Variants in ITIH2 observed in about 807,000 individuals in gnomAD.
ITIH2 encodes the protein inter-alpha-trypsin inhibitor heavy chain 2.
ITIH2 carries 103 observed loss-of-function variants against 104.4 expected under a neutral mutation model. The ratio of observed to expected loss-of-function variants is 0.99; its 90% CI spans 0.84 to 1.16. ITIH2 has a LOEUF of 1.16. ITIH2 is among the 50% of genes most tolerant of loss of function. ITIH2 has a pLI of 0.00. For synonymous variants in ITIH2, 436 were observed against 435.4 expected, an observed-to-expected ratio of 1.00 and a Z score of -0.02; for missense variants, 1,108 against 1,162.4, an observed-to-expected ratio of 0.95 and a Z score of 0.68.
At chr10:7,746,424 C>T (rs1239911609) in intron 19 of ITIH2, among the ~76,000 whole-genome samples, 169 bp from the exon 20 acceptor site, 1 of 152,040 alleles carries the variant, frequency 6.6e-6, no homozygotes, top group Non-Finnish European at 1.5e-5. Flanking sequence ...CACAAATGTG[C>T]TCCCAGGAAG....
At position 7,737,683 on chromosome 10, in the gene ITIH2, ATAT is replaced by A. The variant is rs1179022206; in HGVS notation, c.1958-934_1958-932del. 3.5e-3 allele frequency among the ~76,000 whole-genome samples: 86 copies of A among 24,848 alleles called. 4 individuals are homozygous for A. The highest frequency in any genetic ancestry group is 0.014 in the African/African-American group (73 of 5,288). 16.3% of individuals were successfully genotyped at this position (24,848 alleles called of 152,430 possible). A position where few individuals can be genotyped will look rare whatever the true frequency, so the allele number is the denominator to read the frequency against. ...TTCTATATTATATTCTATATTTTCTATATTATATTCTATATAATATTCTATATT... is the reference window on the plus strand; with the variant it reads ...TTCTATATTATATTCTATATTTTCTATATATTCTATATAATATTCTATATT... On this transcript the variant is annotated intron_variant, in intron 15 of 20. Coordinates refer to ENST00000358415, the MANE Select transcript of ITIH2 (RefSeq NM_002216.3).
intron 10 of ITIH2, 79 bp from the exon 11 acceptor site, chr10:7,727,624 T>C: frequency 6.6e-7 from 1 of 1,512,522 alleles, no homozygotes; most frequent in Non-Finnish European, 9.1e-7. Context: ...TCAGCCGACA[T>C]ATGAGTCTGA....
At chr10:7,744,645 C>A in intron 18 of ITIH2, 146 bp from the exon 19 acceptor site, 1 of 681,446 alleles carries the variant, frequency 1.5e-6, no homozygotes, top group Non-Finnish European at 2.4e-6. Context: ...GTTAATCCAT[C>A]ATTTATCTAT....
intron 5 of ITIH2, 33 bp from the exon 6 acceptor site, chr10:7,717,593 C>G: frequency 6.2e-7 from 1 of 1,601,180 alleles, no homozygotes; most frequent in Non-Finnish European, 8.6e-7. Flanking sequence ...AATCATGTAT[C>G]TGTTGACTTT....
chr10:7,727,854 GACAA>G, intron 11 of ITIH2, 26 bp downstream of exon 11: 1 of 1,612,988 alleles, frequency 6.2e-7, no homozygotes, highest in South Asian at 1.1e-5. Flanking sequence ...ACCTTCTCAC[GACAA>G]ACACTTTCAC....
Position 7,703,357 on chromosome 10 carries a change from G to T in ITIH2, c.-78G>T. Reference sequence around the variant, plus strand: ...AACTGTACTCCTCTGCTGTTCCTTTGAACTTGGTTCAGTAGGAAGAAGTGA... The same window carrying T: ...AACTGTACTCCTCTGCTGTTCCTTTTAACTTGGTTCAGTAGGAAGAAGTGA... On this transcript the variant is annotated 5_prime_UTR_variant, in exon 1 of 21. Coordinates refer to ENST00000358415, the MANE Select transcript of ITIH2 (RefSeq NM_002216.3). 1 of 928,574 alleles carries T rather than the reference G, an allele frequency of 1.1e-6. No individual in the cohort carries two copies. The highest frequency in any genetic ancestry group is 1.3e-5 in the South Asian group (1 of 75,008). The allele number at this position is 928,574 out of a possible 1,614,324, so 57.5% of individuals were successfully genotyped here. A position where few individuals can be genotyped will look rare whatever the true frequency, so the allele number is the denominator to read the frequency against.
At chr10:7,724,512 G>A (rs1458249828) in intron 9 of ITIH2, among the ~76,000 whole-genome samples, 6 of 141,544 alleles carry the variant, frequency 4.2e-5, no homozygotes, top group Admixed American at 1.6e-4. Flanking sequence ...GGGAGTTGCA[G>A]CGAGCAGAGA....
At chr10:7,703,888 T>G (rs1343184051) in intron 1 of ITIH2, among the ~76,000 whole-genome samples, 1 of 152,208 alleles carries the variant, frequency 6.6e-6, no homozygotes, top group Non-Finnish European at 1.5e-5. Flanking sequence ...AGTAAGTGCT[T>G]AATAATTACT....
chr10:7,727,013 G>T lies in ITIH2; in HGVS notation c.1048G>T (p.Asp350Tyr). The stretch of plus-strand genomic sequence containing the variant: ...AGCAGAAGACCATTTCTCTGTGATT[G>T]ATTTCAACCAGAACATTCGAACTTG... ...LRAEDHFSVI[D>Y]FNQNIRTWRN... The change falls in exon 10 of 21, where the codon GAT (aspartate) becomes TAT (tyrosine). Residue 350 changes from aspartate (D) to tyrosine (Y), a missense_variant. Transcript: ENST00000358415. 1 of 1,613,980 alleles carries T rather than the reference G, an allele frequency of 6.2e-7. No individual in the cohort carries two copies. The highest frequency in any genetic ancestry group is 1.1e-5 in the South Asian group (1 of 91,078).
chr10:7,736,182 A>G (rs1835053953), intron 15 of ITIH2, among the ~76,000 whole-genome samples: 1 of 152,108 alleles, frequency 6.6e-6, no homozygotes, highest in African/African-American at 2.4e-5. Context: ...CCTGGTCAAC[A>G]TAGCAAAACC....
intron 5 of ITIH2, among the ~76,000 whole-genome samples, chr10:7,716,632 A>T (rs1461871737): frequency 6.7e-6 from 1 of 149,086 alleles, no homozygotes; most frequent in Admixed American, 6.7e-5. Flanking sequence ...GCTACTCGGG[A>T]TGCTGAGGTA....
At chr10:7,737,580 T>TATATTCTATATTATATTCTATAGA (rs1835069883) in intron 15 of ITIH2, among the ~76,000 whole-genome samples, 1 of 66,182 alleles carries the variant, frequency 1.5e-5, no homozygotes, top group South Asian at 4.8e-4. Context: ...TATTAAATTC[T>TATATTCTATATTATATTCTATAGA]ATATTCTATA....
chr10:7,719,780 AAAAG>A (rs1564300672), intron 6 of ITIH2, among the ~76,000 whole-genome samples: 2 of 141,170 alleles, frequency 1.4e-5, no homozygotes, highest in African/African-American at 5.5e-5. Flanking sequence ...AAAAAAAAAA[AAAAG>A]AAAGAAAGAA....
At chr10:7,732,040 T>G in intron 13 of ITIH2, 44 bp downstream of exon 13, 2 of 1,443,950 alleles carry the variant, frequency 1.4e-6, no homozygotes, top group Admixed American at 1.7e-5. Context: ...ACTGACCCCC[T>G]AGATACAGTC....
intron 12 of ITIH2, 121 bp downstream of exon 12, chr10:7,730,254 T>C: frequency 1.3e-6 from 1 of 746,614 alleles, no homozygotes; most frequent in East Asian, 2.7e-5. Flanking sequence ...CAGCCATATT[T>C]GGTTGCAAGG....
chr10:7,707,403 C>A (rs1247561245), intron 3 of ITIH2, among the ~76,000 whole-genome samples, 170 bp downstream of exon 3: 3 of 152,138 alleles, frequency 2.0e-5, no homozygotes, highest in Admixed American at 1.3e-4. Context: ...TTGAAGAGTG[C>A]AGTCTTTACA....
At position 7,703,316 on chromosome 10, in the gene ITIH2, C is replaced by T; in HGVS notation, c.-119C>T. 4.4e-6 allele frequency: 3 copies of T among 679,374 alleles called. No individual in the cohort carries two copies. Among genetic ancestry groups the T allele is most frequent in the East Asian group, 2.5e-5 (1 of 39,426 alleles). The allele number at this position is 679,374 out of a possible 1,614,324, so 42.1% of individuals were successfully genotyped here. A position where few individuals can be genotyped will look rare whatever the true frequency, so the allele number is the denominator to read the frequency against. On this transcript the variant is annotated 5_prime_UTR_variant, in exon 1 of 21. Coordinates refer to ENST00000358415, the MANE Select transcript of ITIH2 (RefSeq NM_002216.3). ...GTTAGAGAGTTTTTTCTTCTTTTTT[C>T]TTCTTTCTTAAAGCGAACTGTACTC...
At chr10:7,705,700 T>TAAAA (rs34935493) in intron 2 of ITIH2, among the ~76,000 whole-genome samples, 2 of 131,852 alleles carry the variant, frequency 1.5e-5, no homozygotes, top group Non-Finnish European at 3.2e-5. Context: ...CCACTCCATT[T>TAAAA]AAAAAAAAAA....
intron 8 of ITIH2, among the ~76,000 whole-genome samples, chr10:7,722,028 G>A (rs997719421): frequency 3.3e-5 from 5 of 152,036 alleles, no homozygotes; most frequent in African/African-American, 1.2e-4. Context: ...GAAGAACAAA[G>A]GAATAATTAC....
Sources: allele counts gnomAD v4.1 joint callset (sites outside exome capture counted in the v4.1 genomes callset), GRCh38; gene constraint gnomAD v4.1.1; transcripts MANE v1.5; gene names NCBI Gene and HGNC (gene_info 2026-07-23, HGNC 2026-07-21).